Variants in GFOD1 observed in about 807,000 individuals in gnomAD.
The protein encoded by GFOD1 is Gfo/Idh/MocA-like oxidoreductase domain containing 1.
GFOD1 carries 9 observed loss-of-function variants against 25.4 expected under a neutral mutation model. The ratio of observed to expected loss-of-function variants is 0.35; its 90% CI spans 0.21 to 0.62. The LOEUF (loss-of-function observed/expected upper bound fraction) is 0.62, where lower values mean the gene tolerates loss of function less well. Among genes scored for constraint, GFOD1 ranks in the 20% least tolerant of loss-of-function variants. The pLI, the probability that GFOD1 is intolerant of heterozygous loss-of-function variation, is 0.72. For missense variants in GFOD1, 403 were observed against 556.9 expected (o/e 0.72, Z 2.78); for synonymous variants, 253 against 245.6 (o/e 1.03, Z -0.28).
At chr6:13,392,343 C>CAAAAAAAAAAAAAA (rs1035923592) in intron 1 of GFOD1, among the ~76,000 whole-genome samples, 6 of 61,478 alleles carry the variant, frequency 9.8e-5, no homozygotes, top group East Asian at 4.6e-4. Context: ...GACCCTATCT[C>CAAAAAAAAAAAAAA]AAAAAAAAAA....
chr6:13,425,651 A>G (rs1456342200), intron 1 of GFOD1, among the ~76,000 whole-genome samples: 4 of 152,200 alleles, frequency 2.6e-5, no homozygotes, highest in Non-Finnish European at 4.4e-5. Flanking sequence ...CAGTATACAC[A>G]TTCTGACATC....
At chr6:13,481,325 C>T (rs1293294676) in intron 1 of GFOD1, among the ~76,000 whole-genome samples, 4 of 152,166 alleles carry the variant, frequency 2.6e-5, no homozygotes, top group Non-Finnish European at 4.4e-5. Context: ...CAAGAACCTT[C>T]TGGGCAAAGG....
intron 1 of GFOD1, among the ~76,000 whole-genome samples, chr6:13,439,031 ATTT>A (rs1156405807): frequency 3.7e-3 from 5 of 1,352 alleles, no homozygotes; most frequent in South Asian, 0.17. Context: ...AATTTGCATT[ATTT>A]CATGTCTAGA....
At chr6:13,378,307 G>C (rs1000283224) in intron 1 of GFOD1, among the ~76,000 whole-genome samples, 13 of 152,220 alleles carry the variant, frequency 8.5e-5, no homozygotes, top group African/African-American at 4.8e-5. Context: ...AGAACTACCA[G>C]ATGGGTTAAT....
intron 1 of GFOD1, among the ~76,000 whole-genome samples, chr6:13,412,472 C>T (rs758229186): frequency 9.9e-5 from 15 of 152,190 alleles, no homozygotes; most frequent in Non-Finnish European, 1.9e-4. Flanking sequence ...GGCCACCCAG[C>T]GTAAACAGCC....
rs890051624 is a variant in GFOD1 at position 13,463,333 on chromosome 6, T to G, written c.253+23305A>C. Among the ~76,000 whole-genome samples the G allele has an allele frequency of 2.6e-5, 4 of 152,336 alleles. No homozygotes were observed. The East Asian group carries it at 7.7e-4, about 29-fold the overall frequency. On this transcript the variant is annotated intron_variant, in intron 1 of 1. Coordinates refer to ENST00000379287, the MANE Select transcript of GFOD1 (RefSeq NM_018988.4). ...CAGGCACAGGGCAGCAACCCAGATC[T>G]GTGCTGTCCATCACAGGAGCCACAA...
intron 1 of GFOD1, among the ~76,000 whole-genome samples, chr6:13,410,011 T>A (rs554247463): frequency 1.6e-3 from 235 of 148,816 alleles, no homozygotes; most frequent in Middle Eastern, 6.9e-3. Context: ...TTTAGTTTTT[T>A]TTTTTTTTTT....
intron 1 of GFOD1, among the ~76,000 whole-genome samples, chr6:13,419,443 C>T (rs926850454): frequency 1.3e-5 from 2 of 152,170 alleles, no homozygotes; most frequent in Admixed American, 6.5e-5. Context: ...AGACCGCCAT[C>T]CTCTCTCTCC....
intron 1 of GFOD1, among the ~76,000 whole-genome samples, chr6:13,463,107 A>C (rs1328885819): frequency 6.6e-6 from 1 of 152,364 alleles, no homozygotes; most frequent in East Asian, 1.9e-4. Context: ...TTAAAAATGC[A>C]AAGCACATTA....
intron 1 of GFOD1, among the ~76,000 whole-genome samples, chr6:13,406,075 G>A (rs2127564589): frequency 6.6e-6 from 1 of 152,238 alleles, no homozygotes. Flanking sequence ...GGAATATTAT[G>A]TTCTCCCAAC....
intron 1 of GFOD1, among the ~76,000 whole-genome samples, chr6:13,452,920 T>C (rs987967748): frequency 1.3e-5 from 2 of 152,134 alleles, no homozygotes; most frequent in Admixed American, 6.5e-5. Context: ...AGTCCCACCA[T>C]CCCTTTTCCA....
At position 13,364,772 on chromosome 6, in the gene GFOD1, G is replaced by A. The variant is rs747626620; in HGVS notation, c.1144C>T (p.Arg382Cys). ...SPAYLISEAM[R>C]RSRMSLYC ...CAGTAGAGGGACATCCTGCTGCGGC[G>A]CATGGCCTCGCTGATCAGGTAGGCG... Residue 382 changes from arginine (R) to cysteine (C), a missense_variant, in exon 2 of 2, where the codon CGC becomes TGC. Transcript: ENST00000379287. The surrounding 1 kb of genome is among the most constrained non-coding windows in gnomAD (Gnocchi z 4.1). The A allele has an allele frequency of 5.0e-6, 8 of 1,613,112 alleles. No individual in the cohort carries two copies. The Admixed American group carries it at 6.7e-5, about 13-fold the overall frequency.
chr6:13,469,824 T>A, intron 1 of GFOD1: 1 of 1,117,740 alleles, frequency 8.9e-7, no homozygotes. Flanking sequence ...ATGCTAAATG[T>A]CCACATTGGA....
At chr6:13,478,100 C>A (rs576959836) in intron 1 of GFOD1, among the ~76,000 whole-genome samples, 3 of 150,912 alleles carry the variant, frequency 2.0e-5, no homozygotes, top group East Asian at 1.9e-4. Flanking sequence ...ACAAAAAAAA[C>A]CTACACAATC....
intron 1 of GFOD1, among the ~76,000 whole-genome samples, chr6:13,459,179 A>T (rs1219128181): frequency 6.6e-6 from 1 of 152,200 alleles, no homozygotes; most frequent in African/African-American, 2.4e-5. Flanking sequence ...ATGGAACAGA[A>T]TAGAGATCTC....
intron 1 of GFOD1, among the ~76,000 whole-genome samples, chr6:13,369,526 G>T (rs1785108227): frequency 6.6e-6 from 1 of 152,104 alleles, no homozygotes; most frequent in South Asian, 2.1e-4. Flanking sequence ...GCCAGGCGTG[G>T]TGATGCATGC....
intron 1 of GFOD1, among the ~76,000 whole-genome samples, chr6:13,395,048 A>T (rs1456016300): frequency 6.6e-6 from 1 of 152,074 alleles, no homozygotes; most frequent in African/African-American, 2.4e-5. Flanking sequence ...CTCTCAAAGT[A>T]TTGGGATTAC....
At chr6:13,459,858 G>A (rs1276812671) in intron 1 of GFOD1, among the ~76,000 whole-genome samples, 2 of 152,174 alleles carry the variant, frequency 1.3e-5, no homozygotes, top group Non-Finnish European at 2.9e-5. Flanking sequence ...CTCATTACAG[G>A]CATGGTGGCT....
intron 1 of GFOD1, among the ~76,000 whole-genome samples, chr6:13,390,713 G>C (rs1328339829): frequency 8.3e-6 from 1 of 120,784 alleles, no homozygotes; most frequent in African/African-American, 3.0e-5. Context: ...GTGACAGTGA[G>C]ACCCTGTGAA....
Sources: gnomAD v4.1 joint callset for allele counts (sites outside exome capture counted in the v4.1 genomes callset) on GRCh38, gnomAD v4.1.1 for gene constraint, Gnocchi (gnomAD v3.1) non-coding constraint, MANE v1.5 for transcripts, NCBI Gene and HGNC (gene_info 2026-07-23, HGNC 2026-07-21) for gene names.